The following CNTN4 variants were observed in gnomAD, a reference collection of about 807,000 sequenced individuals.
CNTN4 encodes contactin 4.
In CNTN4, 77 loss-of-function variants were observed where a neutral mutation model predicts 122.5. The observed-to-expected ratio is 0.63, with a 90% CI of 0.52 to 0.76. The LOEUF is 0.76. CNTN4 is among the 30% of genes least tolerant of loss of function. The pLI, the probability that CNTN4 is intolerant of heterozygous loss-of-function variation, is 0.00. For synonymous variants in CNTN4, 512 were observed against 447.0 expected (o/e 1.15, Z -1.83); for missense variants, 1,256 against 1,259.1 (o/e 1.00, Z 0.04).
At chr3:2,470,689 C>T (rs113194781) in intron 3 of CNTN4, among the ~76,000 whole-genome samples, 18 of 152,258 alleles carry the variant, frequency 1.2e-4, no homozygotes, top group Middle Eastern at 3.4e-3. Context: ...AGTCTCTAAC[C>T]CATAAGAACG....
chr3:2,393,138 C>T (rs544633331), intron 3 of CNTN4, among the ~76,000 whole-genome samples: 65 of 152,226 alleles, frequency 4.3e-4, no homozygotes, highest in Admixed American at 1.1e-3. Flanking sequence ...TTGGAATTTC[C>T]TTGGGTTACA....
At chr3:2,463,487 C>T (rs372538506) in intron 3 of CNTN4, among the ~76,000 whole-genome samples, 2 of 152,140 alleles carry the variant, frequency 1.3e-5, no homozygotes, top group African/African-American at 2.4e-5. Context: ...TGGCCAGGTG[C>T]GGTGGCCCAC....
At chr3:2,896,017 A>G (rs1340234574) in intron 10 of CNTN4, among the ~76,000 whole-genome samples, 1 of 152,212 alleles carries the variant, frequency 6.6e-6, no homozygotes, top group African/African-American at 2.4e-5. Context: ...TGGGCGACAG[A>G]GCCAGACTCT....
intron 3 of CNTN4, chr3:2,362,649 C>G (rs986765992): frequency 2.4e-6 from 1 of 419,682 alleles, no homozygotes; most frequent in African/African-American, 2.1e-5. Context: ...TGGATACCAA[C>G]TTGAGATCAA....
intron 3 of CNTN4, among the ~76,000 whole-genome samples, chr3:2,384,190 CATT>C (rs781618452): frequency 3.2e-4 from 48 of 152,060 alleles, no homozygotes; most frequent in Non-Finnish European, 5.0e-4. Flanking sequence ...TAATTGCTAT[CATT>C]ATTATTAACA....
intron 4 of CNTN4, among the ~76,000 whole-genome samples, chr3:2,653,021 G>A (rs905319811): frequency 1.3e-5 from 2 of 152,022 alleles, no homozygotes; most frequent in African/African-American, 4.8e-5. Flanking sequence ...TGGTGTTCAT[G>A]CTGGGTAATA....
intron 4 of CNTN4, among the ~76,000 whole-genome samples, chr3:2,626,061 G>A (rs559598701): frequency 6.6e-6 from 1 of 152,282 alleles, no homozygotes; most frequent in African/African-American, 2.4e-5. Flanking sequence ...GAGAAGTTCT[G>A]TGTATTCTGG....
At chr3:2,776,955 G>C (rs2091346183) in intron 6 of CNTN4, among the ~76,000 whole-genome samples, 1 of 151,962 alleles carries the variant, frequency 6.6e-6, no homozygotes, top group Non-Finnish European at 1.5e-5. Flanking sequence ...TTCCAGGAGA[G>C]ACACCATGCA....
chr3:2,427,057 G>A (rs2047866282), intron 3 of CNTN4, among the ~76,000 whole-genome samples: 1 of 151,854 alleles, frequency 6.6e-6, no homozygotes, highest in Admixed American at 6.6e-5. Flanking sequence ...AGGGTTTTTT[G>A]TGTCTCTATC....
Position 2,808,881 on chromosome 3 carries a change from A to T in CNTN4, c.359-10605A>T, listed in dbSNP as rs542026555. 1.2e-3 allele frequency among the ~76,000 whole-genome samples: 186 copies of T among 152,374 alleles called. 1 individual carries two copies. Among genetic ancestry groups the T allele is most frequent in the Non-Finnish European group, 2.2e-3 (153 of 68,042 alleles). ...GAGCATACAAAGGTCCTTTGTAGCC[A>T]AGATGCTGGAAAGCAGTGTGTCATG... is the stretch of plus-strand genomic sequence containing the variant. On this transcript the variant is annotated intron_variant, in intron 6 of 24. Coordinates refer to ENST00000418658, the MANE Select transcript of CNTN4 (RefSeq NM_175607.3).
intron 6 of CNTN4, among the ~76,000 whole-genome samples, chr3:2,805,384 A>C (rs1282464068): frequency 6.6e-6 from 1 of 152,184 alleles, no homozygotes; most frequent in Non-Finnish European, 1.5e-5. Flanking sequence ...AGACAAACCC[A>C]AAGAAATCAG....
chr3:3,030,443 A>G (rs1699068159), intron 15 of CNTN4, among the ~76,000 whole-genome samples: 1 of 152,180 alleles, frequency 6.6e-6, no homozygotes, highest in Non-Finnish European at 1.5e-5. Flanking sequence ...GATACTTCCA[A>G]ATGTGGGCTT....
At chr3:2,237,149 C>T (rs1341469132) in intron 2 of CNTN4, among the ~76,000 whole-genome samples, 1 of 152,008 alleles carries the variant, frequency 6.6e-6, no homozygotes, top group African/African-American at 2.4e-5. Context: ...GAGGGACGAT[C>T]ATACTAGCTA....
chr3:2,530,448 A>T (rs2077555983), intron 3 of CNTN4, among the ~76,000 whole-genome samples: 1 of 151,546 alleles, frequency 6.6e-6, no homozygotes, highest in Non-Finnish European at 1.5e-5. Context: ...AGCTGGGATT[A>T]CAGATGCGCG....
At chr3:2,193,629 G>C (rs922532975) in intron 2 of CNTN4, among the ~76,000 whole-genome samples, 11 of 152,142 alleles carry the variant, frequency 7.2e-5, no homozygotes, top group Non-Finnish European at 1.2e-4. Context: ...TAACATTTCT[G>C]TACAAATATA....
chr3:2,682,167 A>T (rs9833667), intron 4 of CNTN4, among the ~76,000 whole-genome samples: 33,088 of 152,140 alleles, frequency 0.22, 3,907 homozygotes, highest in South Asian at 0.46. Flanking sequence ...TTGTCTACAG[A>T]TACTGAGAAT....
At chr3:2,899,445 C>A (rs1313735698) in intron 10 of CNTN4, among the ~76,000 whole-genome samples, 1 of 152,230 alleles carries the variant, frequency 6.6e-6, no homozygotes, top group African/African-American at 2.4e-5. Context: ...GCCCTGTGAA[C>A]ACATAAAGTT....
At chr3:2,302,433 A>G (rs1206441037) in intron 2 of CNTN4, among the ~76,000 whole-genome samples, 1 of 152,236 alleles carries the variant, frequency 6.6e-6, no homozygotes, top group East Asian at 1.9e-4. Context: ...ATCTCAAAAA[A>G]CAAACAAACA....
chr3:2,786,125 C>T lies in CNTN4; in HGVS notation c.359-33361C>T, dbSNP rs562893441. Among the ~76,000 whole-genome samples the T allele has an allele frequency of 3.4e-4, 51 of 152,040 alleles. 1 individual carries two copies. The highest frequency in any genetic ancestry group is 9.4e-4 in the African/African-American group (39 of 41,480). On this transcript the variant is annotated intron_variant, in intron 6 of 24. Transcript: ENST00000418658. ...TCCCCTCCATCCCCTTTCCAGCCCC[C>T]GCTTCCTGCTGGGAGCCACTTTCAT... is the stretch of plus-strand genomic sequence containing the variant.
Sources: allele counts gnomAD v4.1 joint callset (sites outside exome capture counted in the v4.1 genomes callset), GRCh38; gene constraint gnomAD v4.1.1; transcripts MANE v1.5; gene names NCBI Gene and HGNC (gene_info 2026-07-23, HGNC 2026-07-21).